ACTN1: variants seen among roughly 807,000 people sequenced by gnomAD.
ACTN1 encodes the protein actinin alpha 1.
In ACTN1, 30 loss-of-function variants were observed where a neutral mutation model predicts 119.6. The ratio of observed to expected loss-of-function variants is 0.25; its 90% CI spans 0.19 to 0.34. The LOEUF (loss-of-function observed/expected upper bound fraction) is 0.34, where lower values mean the gene tolerates loss of function less well. ACTN1 is among the 10% of genes least tolerant of loss of function. ACTN1 has a pLI of 1.00. For missense variants in ACTN1, 764 were observed against 1,223.4 expected (o/e 0.62, Z 5.60); for synonymous variants, 429 against 472.6 (o/e 0.91, Z 1.20).
chr14:68,936,382 G>A (rs1322544762), intron 1 of ACTN1, among the ~76,000 whole-genome samples: 3 of 152,250 alleles, frequency 2.0e-5, no homozygotes, highest in South Asian at 2.1e-4. Flanking sequence ...GGACACAGAA[G>A]GACCAGGATC....
chr14:68,882,901 G>A lies in ACTN1; in HGVS notation c.1790C>T (p.Pro597Leu). 6.2e-7 allele frequency: 1 copy of A among 1,614,230 alleles called. No homozygotes were observed. The highest frequency in any genetic ancestry group is 8.5e-7 in the Non-Finnish European group (1 of 1,180,046). ...GTCCCATTTGCCATTGATCTCCTGAGGCGTGATGGTTGTGTAGGGGTTGGT... is the reference window on the plus strand; with the variant it reads ...GTCCCATTTGCCATTGATCTCCTGAAGCGTGATGGTTGTGTAGGGGTTGGT... ...AGTNPYTTIT[P>L]QEINGKWDHV... The change falls in exon 15 of 22, where the codon CCT (proline) becomes CTT (leucine). Residue 597 changes from proline (P) to leucine (L), a missense_variant. Coordinates refer to ENST00000394419, the MANE Select transcript of ACTN1 (RefSeq NM_001130004.2). The surrounding 1 kb of genome is among the most constrained non-coding windows in gnomAD (Gnocchi z 4.5).
chr14:68,902,776 T>C (rs2033424926), intron 7 of ACTN1, among the ~76,000 whole-genome samples: 1 of 152,114 alleles, frequency 6.6e-6, no homozygotes, highest in Non-Finnish European at 1.5e-5. Context: ...AAACCCAGTA[T>C]AAGGAACTTG....
At chr14:68,949,283 G>A (rs1056741498) in intron 1 of ACTN1, among the ~76,000 whole-genome samples, 3 of 152,204 alleles carry the variant, frequency 2.0e-5, no homozygotes, top group Admixed American at 6.5e-5. Context: ...CCCAGAAGCT[G>A]CATCCCCCTT....
chr14:68,932,791 C>T (rs2035285942), intron 1 of ACTN1, among the ~76,000 whole-genome samples: 1 of 152,038 alleles, frequency 6.6e-6, no homozygotes, highest in South Asian at 2.1e-4. Flanking sequence ...AGGGAAGCTG[C>T]TGTATGCATC....
chr14:68,892,083 G>A lies in ACTN1; in HGVS notation c.1056C>T (p.Ala352=), dbSNP rs760992637. The A allele has an allele frequency of 1.2e-6, 2 of 1,613,928 alleles. No homozygotes were observed. Among genetic ancestry groups the A allele is most frequent in the Admixed American group, 1.7e-5 (1 of 60,012 alleles). The stretch of plus-strand genomic sequence containing the variant: ...CCATCCTGCCCTCAGAGGGCATGAA[G>A]GCAGGCCGGTTGCTGAGCCGCAGCT... ...QTKLRLSNRP[A]FMPSEGRMVS... Residue 352 remains alanine, a synonymous_variant, in exon 10 of 22, where the codon GCC becomes GCT. Coordinates refer to ENST00000394419, the MANE Select transcript of ACTN1 (RefSeq NM_001130004.2).
At chr14:68,901,609 C>G (rs767100725) in intron 8 of ACTN1, among the ~76,000 whole-genome samples, 1 of 151,430 alleles carries the variant, frequency 6.6e-6, no homozygotes, top group Admixed American at 6.6e-5. Context: ...CTGCATGAGA[C>G]GTGAAGATTC....
At chr14:68,875,241 T>C in intron 21 of ACTN1, 1 of 1,269,676 alleles carries the variant, frequency 7.9e-7, no homozygotes, top group Non-Finnish European at 1.1e-6. Flanking sequence ...CTTCAGTACC[T>C]ACTTTGTAAG....
At position 68,912,132 on chromosome 14, in the gene ACTN1, G is replaced by A. The variant is rs776001610; in HGVS notation, c.427+24C>T. 30 of 1,610,248 alleles carry A rather than the reference G, an allele frequency of 1.9e-5. No individual in the cohort carries two copies. In the East Asian group the frequency reaches 6.5e-4, roughly 35 times the overall value. ...GGAGGGAGACGAGATGGTGATGGCGGGATGGAACAAAGCAGAAACCCACCT... is the reference window on the plus strand; with the variant it reads ...GGAGGGAGACGAGATGGTGATGGCGAGATGGAACAAAGCAGAAACCCACCT... On this transcript the variant is annotated intron_variant, in intron 4 of 21. Transcript: ENST00000394419.
chr14:68,955,474 G>C (rs1441590381), intron 1 of ACTN1, among the ~76,000 whole-genome samples: 2 of 152,184 alleles, frequency 1.3e-5, no homozygotes, highest in African/African-American at 2.4e-5. Flanking sequence ...TCAGAATTTG[G>C]CTCAACTGAG....
chr14:68,905,410 C>G (rs986624383), intron 6 of ACTN1, among the ~76,000 whole-genome samples: 2 of 152,158 alleles, frequency 1.3e-5, no homozygotes, highest in Non-Finnish European at 2.9e-5. Flanking sequence ...TCAAAAAATT[C>G]AACATGGTAT....
intron 1 of ACTN1, among the ~76,000 whole-genome samples, chr14:68,967,851 C>G (rs1050849631): frequency 2.6e-5 from 4 of 152,230 alleles, no homozygotes; most frequent in African/African-American, 9.6e-5. Context: ...ACATGCAGCC[C>G]AAGCCTCATA....
chr14:68,875,851 C>T (rs1194436149), intron 21 of ACTN1, among the ~76,000 whole-genome samples: 1 of 152,244 alleles, frequency 6.6e-6, no homozygotes. Flanking sequence ...CCTTCCAGCT[C>T]CAAAGTGCTA....
chr14:68,930,032 C>G (rs987778884), intron 1 of ACTN1, among the ~76,000 whole-genome samples: 2 of 152,266 alleles, frequency 1.3e-5, no homozygotes, highest in African/African-American at 4.8e-5. Flanking sequence ...CTTGCTCTCA[C>G]AGACTCCGCT....
At position 68,929,066 on chromosome 14, in the gene ACTN1, G is replaced by T. The variant is rs527546657; in HGVS notation, c.106-3394C>A. ...TGGGAGAGGGCTGGAACTGTGGCGG[G>T]TTCGTGGGAGAGGGCTGGAACTGTG... is the stretch of plus-strand genomic sequence containing the variant. On this transcript the variant is annotated intron_variant, in intron 1 of 21. Coordinates refer to ENST00000394419, the MANE Select transcript of ACTN1 (RefSeq NM_001130004.2). Among the ~76,000 whole-genome samples the T allele has an allele frequency of 5.9e-3, 888 of 151,606 alleles. 6 individuals carry two copies. Among genetic ancestry groups the T allele is most frequent in the African/African-American group, 0.02 (830 of 41,172 alleles).
chr14:68,926,007 T>A (rs1018512688), intron 1 of ACTN1, among the ~76,000 whole-genome samples: 2 of 152,236 alleles, frequency 1.3e-5, no homozygotes, highest in Non-Finnish European at 2.9e-5. Context: ...TCTTACAAGT[T>A]ACCTCTTAAG....
Position 68,912,136 on chromosome 14 carries a change from G to A in ACTN1, c.427+20C>T. 6.2e-7 allele frequency: 1 copy of A among 1,611,922 alleles called. No individual in the cohort carries two copies. The highest frequency in any genetic ancestry group is 8.5e-7 in the Non-Finnish European group (1 of 1,178,082). The stretch of plus-strand genomic sequence containing the variant: ...GGAGACGAGATGGTGATGGCGGGAT[G>A]GAACAAAGCAGAAACCCACCTTCCA... On this transcript the variant is annotated intron_variant, in intron 4 of 21. Transcript: ENST00000394419.
In ACTN1 at chr14:68,878,574, G is replaced by A. The variant is rs775942213; in HGVS notation, c.2362-51C>T. On this transcript the variant is annotated intron_variant, in intron 19 of 21. Coordinates refer to ENST00000394419, the MANE Select transcript of ACTN1 (RefSeq NM_001130004.2). This position sits in a 1 kb window ranked among gnomAD's most constrained non-coding sequence, Gnocchi z 4.4. The stretch of plus-strand genomic sequence containing the variant: ...ACAAGGAGGGTCGGGAAGGCAGGAA[G>A]AGGAAGGGCCGGCCCGGGGCCAGGA... The A allele has an allele frequency of 1.2e-6, 2 of 1,611,560 alleles. No individual in the cohort carries two copies. Among genetic ancestry groups the A allele is most frequent in the South Asian group, 1.1e-5 (1 of 90,730 alleles).
At chr14:68,922,641 G>C (rs994383169) in intron 2 of ACTN1, among the ~76,000 whole-genome samples, 1 of 152,170 alleles carries the variant, frequency 6.6e-6, no homozygotes, top group Non-Finnish European at 1.5e-5. Flanking sequence ...GCAAAGGACA[G>C]TGGAGGAGGC....
At chr14:68,934,718 G>T (rs2035402384) in intron 1 of ACTN1, among the ~76,000 whole-genome samples, 2 of 152,168 alleles carry the variant, frequency 1.3e-5, no homozygotes, top group Non-Finnish European at 2.9e-5. Context: ...GTATTAATAA[G>T]GTATTAGGTT....
Sources: gnomAD v4.1 joint callset for allele counts (sites outside exome capture counted in the v4.1 genomes callset) on GRCh38, gnomAD v4.1.1 for gene constraint, Gnocchi (gnomAD v3.1) non-coding constraint, MANE v1.5 for transcripts, NCBI Gene and HGNC (gene_info 2026-07-23, HGNC 2026-07-21) for gene names.